The following MAGI2 variants were observed in gnomAD, a reference collection of about 807,000 sequenced individuals.
MAGI2 encodes the protein membrane-associated guanylate kinase, WW and PDZ domain-containing protein 2.
In MAGI2, 35 loss-of-function variants were observed where a neutral mutation model predicts 133.3. The observed-to-expected ratio is 0.26, with a 90% CI of 0.20 to 0.35. The LOEUF (loss-of-function observed/expected upper bound fraction) is 0.35, where lower values mean the gene tolerates loss of function less well. Among genes scored for constraint, MAGI2 ranks in the 10% least tolerant of loss-of-function variants. MAGI2 has a pLI of 1.00. For missense variants in MAGI2, 1,636 were observed against 1,863.4 expected (o/e 0.88, Z 2.25); for synonymous variants, 729 against 710.6 (o/e 1.03, Z -0.41).
intron 1 of MAGI2, among the ~76,000 whole-genome samples, chr7:79,122,081 G>T (rs537610941): frequency 2.8e-4 from 42 of 152,226 alleles, no homozygotes; most frequent in African/African-American, 9.9e-4. Flanking sequence ...AATCGTTATT[G>T]CTTTTCATCT....
At chr7:79,369,150 A>G (rs1376105593) in intron 1 of MAGI2, among the ~76,000 whole-genome samples, 2 of 152,186 alleles carry the variant, frequency 1.3e-5, no homozygotes, top group African/African-American at 4.8e-5. Context: ...TACACTTCAA[A>G]TAAAGGGCTT....
intron 3 of MAGI2, among the ~76,000 whole-genome samples, chr7:78,566,992 G>C (rs1248453449): frequency 1.3e-5 from 2 of 151,996 alleles, no homozygotes; most frequent in Non-Finnish European, 2.9e-5. Flanking sequence ...ACAATATGAG[G>C]TTTTAAAGTT....
chr7:78,505,924 C>G (rs1479059835), intron 4 of MAGI2, among the ~76,000 whole-genome samples: 2 of 67,992 alleles, frequency 2.9e-5, no homozygotes, highest in Non-Finnish European at 5.4e-5. Context: ...AAGTGAGGCT[C>G]TGAAGGTAAG....
chr7:78,696,652 C>G (rs1817542201), intron 2 of MAGI2, among the ~76,000 whole-genome samples: 1 of 151,328 alleles, frequency 6.6e-6, no homozygotes. Context: ...TCTTTTATTC[C>G]AAGCACTTGT....
chr7:78,508,679 A>C (rs961072962), intron 4 of MAGI2, among the ~76,000 whole-genome samples: 1 of 152,054 alleles, frequency 6.6e-6, no homozygotes, highest in South Asian at 2.1e-4. Context: ...TCTCGCACAC[A>C]TCATATATAT....
intron 1 of MAGI2, among the ~76,000 whole-genome samples, chr7:79,178,793 A>G (rs926491330): frequency 2.6e-5 from 4 of 151,892 alleles, no homozygotes; most frequent in African/African-American, 9.7e-5. Context: ...GTTAAACTTT[A>G]TATCTAAAAG....
chr7:79,402,325 C>G (rs1043423823), intron 1 of MAGI2, among the ~76,000 whole-genome samples: 25 of 152,056 alleles, frequency 1.6e-4, no homozygotes, highest in Non-Finnish European at 3.2e-4. Flanking sequence ...CTTTGGTCCT[C>G]CCATTTTTCA....
rs1351005483 is a variant in MAGI2, at chr7:79,443,300, G to A, written c.301+9720C>T. Among the ~76,000 whole-genome samples, 3 of 151,346 alleles carry A rather than the reference G, an allele frequency of 2.0e-5. No individual in the cohort carries two copies. The East Asian group carries it at 5.8e-4, about 29-fold the overall frequency. ...TGTGTGTGTGCGTGTGTGTGTGTGT[G>A]TGTGTGTGTGTGTGTGTATTCCATG... is the stretch of plus-strand genomic sequence containing the variant. On this transcript the variant is annotated intron_variant, in intron 1 of 21. Coordinates refer to ENST00000354212, the MANE Select transcript of MAGI2 (RefSeq NM_012301.4).
At position 78,116,873 on chromosome 7, in the gene MAGI2, G is replaced by T. The variant is rs147123369; in HGVS notation, c.3567+8821C>A. On this transcript the variant is annotated intron_variant, in intron 20 of 21. Transcript: ENST00000354212. The stretch of plus-strand genomic sequence containing the variant: ...AGCCTGAGTGACAAAGAAAGATCCT[G>T]TCTCAAAAATGAAATAAGATAAAAA... 6.0e-3 allele frequency among the ~76,000 whole-genome samples: 906 copies of T among 151,780 alleles called. 7 individuals are homozygous for T. Among genetic ancestry groups the T allele is most frequent in the Middle Eastern group, 0.017 (5 of 294 alleles).
intron 2 of MAGI2, among the ~76,000 whole-genome samples, chr7:78,695,256 G>A (rs1817389630): frequency 6.6e-6 from 1 of 152,082 alleles, no homozygotes; most frequent in Non-Finnish European, 1.5e-5. Context: ...AAAATAAAAT[G>A]TCTCCTGAAT....
At chr7:78,146,974 T>C (rs1396559855) in intron 16 of MAGI2, among the ~76,000 whole-genome samples, 1 of 152,152 alleles carries the variant, frequency 6.6e-6, no homozygotes, top group Non-Finnish European at 1.5e-5. Flanking sequence ...CGGCAGATAA[T>C]AACTTCTTGC....
At chr7:78,837,535 G>C (rs897404860) in intron 2 of MAGI2, among the ~76,000 whole-genome samples, 1 of 152,044 alleles carries the variant, frequency 6.6e-6, no homozygotes, top group South Asian at 2.1e-4. Flanking sequence ...GTTCTCCATG[G>C]TATTCATCAG....
At chr7:78,324,610 T>C (rs1788389694) in intron 9 of MAGI2, among the ~76,000 whole-genome samples, 1 of 152,212 alleles carries the variant, frequency 6.6e-6, no homozygotes, top group Admixed American at 6.5e-5. Context: ...GAATGAGTGT[T>C]ATTATTAGAT....
intron 1 of MAGI2, among the ~76,000 whole-genome samples, chr7:79,423,318 A>T (rs74944172): frequency 0.032 from 4,827 of 152,158 alleles, 271 homozygotes; most frequent in African/African-American, 0.11. Context: ...AGAGATAAAG[A>T]CACAGATACT....
At chr7:78,605,023 G>A (rs1805649473) in intron 3 of MAGI2, among the ~76,000 whole-genome samples, 1 of 152,180 alleles carries the variant, frequency 6.6e-6, no homozygotes, top group Admixed American at 6.5e-5. Context: ...GCCAAGCCAT[G>A]GCTCCATGGA....
intron 1 of MAGI2, among the ~76,000 whole-genome samples, chr7:79,038,832 C>G (rs1210485046): frequency 6.6e-6 from 1 of 152,032 alleles, no homozygotes; most frequent in African/African-American, 2.4e-5. Context: ...GTGTGTGTGT[C>G]TAGTCTGTTG....
intron 1 of MAGI2, among the ~76,000 whole-genome samples, chr7:79,069,065 T>A (rs1448854005): frequency 1.3e-5 from 2 of 151,988 alleles, no homozygotes; most frequent in African/African-American, 2.4e-5. Context: ...CTGAGAAGAA[T>A]GTATATTCTG....
chr7:78,673,331 A>G (rs1814618598), intron 2 of MAGI2, among the ~76,000 whole-genome samples: 1 of 151,988 alleles, frequency 6.6e-6, no homozygotes, highest in Non-Finnish European at 1.5e-5. Flanking sequence ...ATGTATATAT[A>G]AAGAGATTTG....
At chr7:79,215,534 C>T (rs921552174) in intron 1 of MAGI2, among the ~76,000 whole-genome samples, 9 of 151,980 alleles carry the variant, frequency 5.9e-5, no homozygotes, top group African/African-American at 1.9e-4. Flanking sequence ...TTAACCCAGA[C>T]ATTACTTTCT....
Sources: gnomAD v4.1 joint callset for allele counts (sites outside exome capture counted in the v4.1 genomes callset) on GRCh38, gnomAD v4.1.1 for gene constraint, MANE v1.5 for transcripts, NCBI Gene and HGNC (gene_info 2026-07-23, HGNC 2026-07-21) for gene names.